Variants in PACRG observed in about 807,000 individuals in gnomAD.
PACRG encodes parkin coregulated.
Under a neutral mutation model 29.7 loss-of-function variants are expected in PACRG, and 29 were observed. The ratio of observed to expected loss-of-function variants is 0.98; its 90% CI spans 0.73 to 1.33. The LOEUF (loss-of-function observed/expected upper bound fraction) is 1.33. Ranked by LOEUF, PACRG falls within the 40% of genes most tolerant of loss-of-function variation. PACRG has a pLI of 0.00. For synonymous variants in PACRG, 116 were observed against 118.7 expected (o/e 0.98, Z 0.15); for missense variants, 279 against 316.2 (o/e 0.88, Z 0.89).
chr6:162,972,125 G>T (rs1384963876), intron 2 of PACRG, among the ~76,000 whole-genome samples: 2 of 152,192 alleles, frequency 1.3e-5, no homozygotes, highest in African/African-American at 2.4e-5. Context: ...GCCTGTCACA[G>T]GTTTTAAGAC....
intron 2 of PACRG, among the ~76,000 whole-genome samples, chr6:162,870,531 A>G (rs1253711547): frequency 6.6e-6 from 1 of 152,170 alleles, no homozygotes; most frequent in African/African-American, 2.4e-5. Context: ...TCACCCAAGC[A>G]GTACACACTG....
chr6:162,879,329 A>C (rs1188996584), intron 2 of PACRG, among the ~76,000 whole-genome samples: 2 of 152,234 alleles, frequency 1.3e-5, no homozygotes, highest in Non-Finnish European at 2.9e-5. Flanking sequence ...CTATCCATGT[A>C]ACTCCCCTTC....
intron 2 of PACRG, among the ~76,000 whole-genome samples, chr6:162,980,674 T>C (rs1332569224): frequency 6.6e-6 from 1 of 152,152 alleles, no homozygotes. Context: ...GAAGGATAAT[T>C]TGCTCATTTA....
intron 2 of PACRG, among the ~76,000 whole-genome samples, chr6:163,013,260 A>C (rs994475870): frequency 2.1e-5 from 3 of 139,662 alleles, no homozygotes; most frequent in Admixed American, 2.1e-4. Context: ...ATTTGACTTA[A>C]AGTTTATTTA....
Position 162,864,662 on chromosome 6 carries a change from A to T in PACRG, c.291+50381A>T, listed in dbSNP as rs540380057. ...TCAGTGTTGTATATATATTTTAGAA[A>T]GTTTAATTTTCACTAAAATAAACTT... On this transcript the variant is annotated intron_variant, in intron 2 of 4. Coordinates refer to ENST00000366888, the MANE Select transcript of PACRG (RefSeq NM_001080379.2). 1.3e-5 allele frequency among the ~76,000 whole-genome samples: 2 copies of T among 152,322 alleles called. 1 individual carries two copies. The highest frequency in any genetic ancestry group is 4.8e-5 in the African/African-American group (2 of 41,570).
chr6:162,947,448 A>G, intron 2 of PACRG, among the ~76,000 whole-genome samples: 1 of 33,166 alleles, frequency 3.0e-5, no homozygotes, highest in Admixed American at 3.8e-4. Flanking sequence ...AAATATATAT[A>G]ATCATATATA....
At chr6:162,904,078 A>G (rs181779203) in intron 2 of PACRG, among the ~76,000 whole-genome samples, 8 of 152,324 alleles carry the variant, frequency 5.3e-5, no homozygotes, top group Admixed American at 2.0e-4. Context: ...CAAGGGTTCT[A>G]TGTTACAGCC....
chr6:163,159,340 AAAT>A (rs1451268265), intron 4 of PACRG, among the ~76,000 whole-genome samples: 20 of 148,850 alleles, frequency 1.3e-4, no homozygotes, highest in Admixed American at 4.7e-4. Context: ...TTTTAGCTAA[AAAT>A]AATAAATGAT....
chr6:163,073,099 AC>A lies in PACRG; in HGVS notation c.463+10779del, dbSNP rs1183676384. On this transcript the variant is annotated intron_variant, in intron 3 of 4. Transcript: ENST00000366888. ...ACATTCTTCACAGAAACAGAAAAAAACAATTTTAAATTTTATATGAAACCGC... is the reference window on the plus strand; with the variant it reads ...ACATTCTTCACAGAAACAGAAAAAAAAATTTTAAATTTTATATGAAACCGC... Among the ~76,000 whole-genome samples, 8 of 152,334 alleles carry A rather than the reference AC, an allele frequency of 5.3e-5. No individual in the cohort carries two copies. The South Asian group carries it at 1.2e-3, about 24-fold the overall frequency.
intron 4 of PACRG, among the ~76,000 whole-genome samples, chr6:163,298,910 AT>A: frequency 6.6e-6 from 1 of 152,122 alleles, no homozygotes; most frequent in East Asian, 1.9e-4. Flanking sequence ...CTTAAATTTA[AT>A]TTTCCCAGGG....
In PACRG at chr6:162,853,379, C is replaced by A. The variant is rs141936244; in HGVS notation, c.291+39098C>A. Among the ~76,000 whole-genome samples, 825 of 152,268 alleles carry A rather than the reference C, an allele frequency of 5.4e-3. 10 individuals are homozygous for A. The highest frequency in any genetic ancestry group is 0.019 in the African/African-American group (787 of 41,538). The stretch of plus-strand genomic sequence containing the variant: ...ATACCTGGTTGAACCACTGACTTAC[C>A]GTACGTTTTAACTTTCCTGATATCC... On this transcript the variant is annotated intron_variant, in intron 2 of 4. Coordinates refer to ENST00000366888, the MANE Select transcript of PACRG (RefSeq NM_001080379.2). The surrounding 1 kb of genome is among the most constrained non-coding windows in gnomAD (Gnocchi z 4.7).
At chr6:163,038,291 A>G (rs1808391678) in intron 2 of PACRG, among the ~76,000 whole-genome samples, 1 of 152,244 alleles carries the variant, frequency 6.6e-6, no homozygotes, top group Admixed American at 6.5e-5. Flanking sequence ...TACTCCAGGC[A>G]TACAGAAGAG....
rs181470739 is a variant in PACRG, at chr6:162,893,699, G to A, written c.291+79418G>A. ...TGGAAGTCGACACCATCGATAGACC[G>A]TGCAGCACTCCGACGGCTATGCAGA... On this transcript the variant is annotated intron_variant, in intron 2 of 4. Transcript: ENST00000366888. Among the ~76,000 whole-genome samples, 9 of 152,288 alleles carry A rather than the reference G, an allele frequency of 5.9e-5. No individual in the cohort carries two copies. In the South Asian group the frequency reaches 8.3e-4, roughly 14 times the overall value.
intron 4 of PACRG, among the ~76,000 whole-genome samples, chr6:163,133,098 AG>A (rs1305521625): frequency 6.6e-6 from 1 of 152,242 alleles, no homozygotes; most frequent in Admixed American, 6.5e-5. Context: ...AGTATTGGTC[AG>A]GTGCAGATGA....
intron 4 of PACRG, chr6:163,165,692 AATTCAAGCCTTCAAGTCG>A (rs1778770573): frequency 4.9e-6 from 1 of 202,238 alleles, no homozygotes; most frequent in Non-Finnish European, 1.0e-5. Flanking sequence ...AGGGGGCTCA[AATTCAAGCCTTCAAGTCG>A]GTTCACCCTG....
chr6:162,941,048 ATGTG>A (rs370462604), intron 2 of PACRG, among the ~76,000 whole-genome samples: 71 of 81,942 alleles, frequency 8.7e-4, no homozygotes, highest in African/African-American at 1.9e-3. Context: ...GTGTTTGTGC[ATGTG>A]TGTGTGTGTG....
chr6:163,127,913 T>C (rs1401336117), intron 4 of PACRG, among the ~76,000 whole-genome samples: 1 of 152,226 alleles, frequency 6.6e-6, no homozygotes, highest in Non-Finnish European at 1.5e-5. Flanking sequence ...TTTTAATATG[T>C]CTCACTTGTT....
intron 3 of PACRG, among the ~76,000 whole-genome samples, chr6:163,075,536 T>G (rs1812463232): frequency 6.6e-6 from 1 of 152,034 alleles, no homozygotes. Flanking sequence ...CATCAATATA[T>G]AAAAAATGAT....
chr6:163,194,833 C>T (rs74907565), intron 4 of PACRG, among the ~76,000 whole-genome samples: 9 of 152,182 alleles, frequency 5.9e-5, no homozygotes, highest in East Asian at 3.9e-4. Context: ...CCCAACCCCA[C>T]GCCTGCTGTT....
Sources: allele counts gnomAD v4.1 joint callset (sites outside exome capture counted in the v4.1 genomes callset), GRCh38; gene constraint gnomAD v4.1.1; non-coding constraint Gnocchi (gnomAD v3.1); transcripts MANE v1.5; gene names NCBI Gene and HGNC (gene_info 2026-07-23, HGNC 2026-07-21).